RORA: variants seen among roughly 807,000 people sequenced by gnomAD.
The protein encoded by RORA is nuclear receptor ROR-alpha.
A neutral mutation model predicts 69.5 loss-of-function variants in RORA; 7 were observed. The ratio of observed to expected loss-of-function variants is 0.10; its 90% CI spans 0.06 to 0.19. The LOEUF (loss-of-function observed/expected upper bound fraction) is 0.19, where lower values mean the gene tolerates loss of function less well. Ranked by LOEUF, RORA falls within the 10% of genes least tolerant of loss-of-function variation. The pLI is 1.00. For missense variants in RORA, 457 were observed against 663.0 expected, an observed-to-expected ratio of 0.69 and a Z score of 3.41; for synonymous variants, 261 against 240.8, an observed-to-expected ratio of 1.08 and a Z score of -0.78.
In RORA at chr15:60,904,556, T is replaced by A. The variant is rs368681815; in HGVS notation, c.167-225870A>T. On this transcript the variant is annotated intron_variant, in intron 1 of 10. Coordinates refer to ENST00000335670, the MANE Select transcript of RORA (RefSeq NM_134261.3). The stretch of plus-strand genomic sequence containing the variant: ...GCTGAAATGGGTGAAATGTTCTCCT[T>A]CAGTATGGTGGCTGGTGTTTGAACT... 9.2e-5 allele frequency among the ~76,000 whole-genome samples: 14 copies of A among 152,298 alleles called. 1 individual carries two copies. In the East Asian group the frequency reaches 1.2e-3, roughly 13 times the overall value.
At chr15:61,129,857 C>G (rs1425738721) in intron 1 of RORA, among the ~76,000 whole-genome samples, 1 of 152,164 alleles carries the variant, frequency 6.6e-6, no homozygotes, top group East Asian at 1.9e-4. Context: ...GAGGCAGATC[C>G]CCACTTTCCC....
At chr15:61,046,112 G>A (rs1388322899) in intron 1 of RORA, among the ~76,000 whole-genome samples, 1 of 152,208 alleles carries the variant, frequency 6.6e-6, no homozygotes, top group Non-Finnish European at 1.5e-5. Flanking sequence ...AGAGGAAGCA[G>A]TTAGGTCTCA....
rs545168599 is a variant in RORA, at chr15:60,943,916, C to CAAAAAAAAAA, written c.167-265240_167-265231dup. Among the ~76,000 whole-genome samples, 8 of 32,356 alleles carry CAAAAAAAAAA rather than the reference C, an allele frequency of 2.5e-4. 1 individual carries two copies. The highest frequency in any genetic ancestry group is 7.4e-4 in the East Asian group (1 of 1,352). 21.2% of individuals were successfully genotyped at this position (32,356 alleles called of 152,430 possible). Reference sequence around the variant, plus strand: ...GGGTGACAGAGCCAGACTCCATCTCCAAAAAAAAAAAAAAAAAAAAAAAAG... The same window carrying CAAAAAAAAAA: ...GGGTGACAGAGCCAGACTCCATCTCCAAAAAAAAAAAAAAAAAAAAAAAAAAAAAAAAAAG... On this transcript the variant is annotated intron_variant, in intron 1 of 10. Transcript: ENST00000335670.
At chr15:61,125,440 AAG>A (rs2140829427) in intron 1 of RORA, among the ~76,000 whole-genome samples, 1 of 152,340 alleles carries the variant, frequency 6.6e-6, no homozygotes, top group Admixed American at 6.5e-5. Context: ...ACCCGACAAA[AAG>A]AGCACAGTGG....
At chr15:60,864,861 G>A (rs1247249481) in intron 1 of RORA, among the ~76,000 whole-genome samples, 1 of 152,202 alleles carries the variant, frequency 6.6e-6, no homozygotes, top group Non-Finnish European at 1.5e-5. Context: ...GTCTAGTGAA[G>A]CTTTAGGTTC....
intron 1 of RORA, among the ~76,000 whole-genome samples, chr15:61,103,920 A>G (rs1446735792): frequency 6.6e-6 from 1 of 152,126 alleles, no homozygotes; most frequent in African/African-American, 2.4e-5. Context: ...AATCAGAGGG[A>G]AGTAGCAGGG....
At chr15:60,564,755 A>G (rs1267619980) in intron 2 of RORA, among the ~76,000 whole-genome samples, 1 of 152,196 alleles carries the variant, frequency 6.6e-6, no homozygotes, top group Non-Finnish European at 1.5e-5. Context: ...ACCCTAGATT[A>G]AAAGTATTTT....
chr15:60,627,689 A>G (rs947249079), intron 2 of RORA, among the ~76,000 whole-genome samples: 1 of 152,136 alleles, frequency 6.6e-6, no homozygotes, highest in Non-Finnish European at 1.5e-5. Context: ...GCTTTGTCAA[A>G]TGCCCTTTCC....
At chr15:60,875,141 G>A (rs1430803804) in intron 1 of RORA, among the ~76,000 whole-genome samples, 2 of 152,236 alleles carry the variant, frequency 1.3e-5, no homozygotes, top group South Asian at 2.1e-4. Context: ...CCCTAAGCTG[G>A]AATGTAATCC....
At chr15:60,960,376 G>A (rs866258932) in intron 1 of RORA, among the ~76,000 whole-genome samples, 3 of 152,160 alleles carry the variant, frequency 2.0e-5, no homozygotes, top group African/African-American at 4.8e-5. Flanking sequence ...CCTCAAAGGT[G>A]GGGGACTCTC....
chr15:60,722,956 T>C (rs1001658533), intron 1 of RORA, among the ~76,000 whole-genome samples: 1 of 152,188 alleles, frequency 6.6e-6, no homozygotes, highest in Admixed American at 6.5e-5. Flanking sequence ...ATGTTGCCAC[T>C]GACCCTTGAG....
intron 1 of RORA, among the ~76,000 whole-genome samples, chr15:61,063,854 C>G (rs2078220392): frequency 6.6e-6 from 1 of 152,208 alleles, no homozygotes; most frequent in African/African-American, 2.4e-5. Flanking sequence ...GCCAGCATTG[C>G]AGAATAGAGA....
intron 1 of RORA, among the ~76,000 whole-genome samples, chr15:60,716,325 T>A (rs1200068150): frequency 6.6e-6 from 1 of 152,212 alleles, no homozygotes. Context: ...CCTTCAGAGA[T>A]ACCGCCTTTT....
At position 61,061,354 on chromosome 15, in the gene RORA, AAAATAAATAAATAAAT is replaced by A. The variant is rs59914367; in HGVS notation, c.166+167683_166+167698del. Among the ~76,000 whole-genome samples, 10 of 137,160 alleles carry A rather than the reference AAAATAAATAAATAAAT, an allele frequency of 7.3e-5. No homozygotes were observed. The highest frequency in any genetic ancestry group is 3.8e-3 in the Middle Eastern group (1 of 264). 90.0% of individuals were successfully genotyped at this position (137,160 alleles called of 152,430 possible). A position where few individuals can be genotyped will look rare whatever the true frequency, so the allele number is the denominator to read the frequency against. ...GAGACAGAGCGAGGCTCTATCTTAAAAAATAAATAAATAAATAAATAAATAAATAAATAAATAAATA... is the reference window on the plus strand; with the variant it reads ...GAGACAGAGCGAGGCTCTATCTTAAAAAATAAATAAATAAATAAATAAATA... On this transcript the variant is annotated intron_variant, in intron 1 of 10. Coordinates refer to ENST00000335670, the MANE Select transcript of RORA (RefSeq NM_134261.3). This position sits in a 1 kb window ranked among gnomAD's most constrained non-coding sequence, Gnocchi z 4.4.
chr15:61,192,412 A>T (rs80271130), intron 1 of RORA, among the ~76,000 whole-genome samples: 7,102 of 152,300 alleles, frequency 0.047, 417 homozygotes, highest in East Asian at 0.21. Flanking sequence ...GTAAAAGATG[A>T]CAATATCTAC....
In RORA at chr15:61,229,043, A is replaced by C; in HGVS notation, c.166+10T>G. 5 of 1,493,088 alleles carry C rather than the reference A, an allele frequency of 3.3e-6. No homozygotes were observed. The highest frequency in any genetic ancestry group is 4.5e-6 in the Non-Finnish European group (5 of 1,118,760). 92.5% of individuals were successfully genotyped at this position (1,493,088 alleles called of 1,614,324 possible). A position where few individuals can be genotyped will look rare whatever the true frequency, so the allele number is the denominator to read the frequency against. ...GCCGCCCCCTCCCCAGCCCCTCTCC[A>C]GCCTCCTACCTCTGCTGGTGCTGGA... On this transcript the variant is annotated intron_variant, in intron 1 of 10. Transcript: ENST00000335670.
intron 2 of RORA, among the ~76,000 whole-genome samples, chr15:60,658,718 A>G (rs1227492469): frequency 6.6e-6 from 1 of 152,264 alleles, no homozygotes; most frequent in Non-Finnish European, 1.5e-5. Context: ...TATTAAGTGC[A>G]AAGAAGATAA....
chr15:61,046,892 C>G (rs1337525762), intron 1 of RORA, among the ~76,000 whole-genome samples: 6 of 152,310 alleles, frequency 3.9e-5, no homozygotes, highest in African/African-American at 7.2e-5. Context: ...TCAGAGCCAG[C>G]CTCCTGCCAA....
At position 61,055,667 on chromosome 15, in the gene RORA, G is replaced by A. The variant is rs79418357; in HGVS notation, c.166+173386C>T. Among the ~76,000 whole-genome samples the A allele has an allele frequency of 3.3e-3, 502 of 152,278 alleles. 1 individual carries two copies. The highest frequency in any genetic ancestry group is 0.012 in the African/African-American group (478 of 41,530). On this transcript the variant is annotated intron_variant, in intron 1 of 10. Transcript: ENST00000335670. ...AGTAATACTAAGCAAAAGTACACAG[G>A]CAGAAAAATGTGATCATCCTGAACT... is the stretch of plus-strand genomic sequence containing the variant.
Sources: gnomAD v4.1 joint callset for allele counts (sites outside exome capture counted in the v4.1 genomes callset) on GRCh38, gnomAD v4.1.1 for gene constraint, Gnocchi (gnomAD v3.1) non-coding constraint, MANE v1.5 for transcripts, NCBI Gene and HGNC (gene_info 2026-07-23, HGNC 2026-07-21) for gene names.